Variants in ZNF136 observed in about 807,000 individuals in gnomAD.
The protein encoded by ZNF136 is zinc finger protein 136, also known as zinc finger protein 136 (clone pHZ-20).
In ZNF136, 8 loss-of-function variants were observed where a neutral mutation model predicts 11.4. The observed-to-expected ratio is 0.70, with a 90% confidence interval of 0.41 to 1.27. The LOEUF is 1.27. Among genes scored for constraint, ZNF136 ranks in the 50% most tolerant of loss-of-function variants. ZNF136 has a pLI of 0.01. For synonymous variants in ZNF136, 190 were observed against 207.1 expected, an observed-to-expected ratio of 0.92 and a Z score of 0.71; for missense variants, 590 against 656.5, an observed-to-expected ratio of 0.90 and a Z score of 1.11.
chr19:12,164,867 T>A (rs1977163868), intron 1 of ZNF136: 1 of 152,230 alleles, frequency 6.6e-6, no homozygotes, highest in Non-Finnish European at 1.5e-5. Context: ...AAACTGCTAT[T>A]GCCACAAGTA....
chr19:12,165,361 G>A (rs1343034956), intron 1 of ZNF136, among the ~76,000 whole-genome samples: 5 of 152,000 alleles, frequency 3.3e-5, no homozygotes, highest in Non-Finnish European at 5.9e-5. Context: ...CTTCTCCCTG[G>A]GATTCTTGCC....
intron 2 of ZNF136, 79 bp from the exon 3 acceptor site, chr19:12,186,035 A>G: frequency 1.9e-6 from 3 of 1,592,334 alleles, no homozygotes; most frequent in African/African-American, 1.4e-5. Flanking sequence ...GCATAGTCAC[A>G]GGGTATCATG....
At chr19:12,164,088 T>C (rs537580041) in intron 1 of ZNF136, among the ~76,000 whole-genome samples, 2 of 152,232 alleles carry the variant, frequency 1.3e-5, no homozygotes, top group East Asian at 3.9e-4. Flanking sequence ...TGAGTCTTCC[T>C]AGAGGACAGT....
At chr19:12,172,837 C>A (rs571388415) in intron 1 of ZNF136, among the ~76,000 whole-genome samples, 1 of 152,182 alleles carries the variant, frequency 6.6e-6, no homozygotes, top group African/African-American at 2.4e-5. Flanking sequence ...CATGGCGAAA[C>A]CCTGTCTCTA....
chr19:12,176,192 G>GGTCT lies in ZNF136; in HGVS notation c.4-9591_4-9588dup, dbSNP rs1914787581. On this transcript the variant is annotated intron_variant, in intron 1 of 3. Coordinates refer to ENST00000343979, the MANE Select transcript of ZNF136 (RefSeq NM_003437.5). ...AGCTCATTTGGATAAACCTACCTTTGGTCTGGAGGTTAAGAGACACCCCTG... is the reference window on the plus strand; with the variant it reads ...AGCTCATTTGGATAAACCTACCTTTGGTCTGTCTGGAGGTTAAGAGACACCCCTG... Among the ~76,000 whole-genome samples, 11 of 152,194 alleles carry GGTCT rather than the reference G, an allele frequency of 7.2e-5. 1 individual carries two copies. In the South Asian group the frequency reaches 2.3e-3, roughly 32 times the overall value.
intron 1 of ZNF136, chr19:12,164,721 C>T (rs1311413563): frequency 1.3e-5 from 2 of 152,180 alleles, no homozygotes; most frequent in Non-Finnish European, 2.9e-5. Context: ...GGATTACAGG[C>T]GTAACTGTAC....
At chr19:12,183,043 T>C (rs143147516) in intron 1 of ZNF136, among the ~76,000 whole-genome samples, 61 of 152,328 alleles carry the variant, frequency 4.0e-4, no homozygotes, top group African/African-American at 1.4e-3. Context: ...TCTACCCTTA[T>C]ATTTGTTAAA....
In ZNF136 at chr19:12,185,918, A is replaced by C. The variant is rs779754740; in HGVS notation, c.130+7A>C. The stretch of plus-strand genomic sequence containing the variant: ...AGGAATCTGGCCTCTATAGGTAAGG[A>C]TTGTATACTTCCATCACTTAGCAAT... On this transcript the variant is annotated splice_region_variant and intron_variant, in intron 2 of 3. Transcript: ENST00000343979. 4 of 1,612,964 alleles carry C rather than the reference A, an allele frequency of 2.5e-6. No homozygotes were observed. The Admixed American group carries it at 6.7e-5, about 27-fold the overall frequency.
intron 1 of ZNF136, among the ~76,000 whole-genome samples, chr19:12,177,543 T>C (rs1568400882): frequency 6.6e-6 from 1 of 152,156 alleles, no homozygotes; most frequent in African/African-American, 2.4e-5. Flanking sequence ...GAGATGGGGT[T>C]TCACTATGTT....
Position 12,187,114 on chromosome 19 carries a change from C to T in ZNF136, c.736C>T (p.His246Tyr), listed in dbSNP as rs770585492. ...ITSVRRHMIK[H>Y]TGDGPYKCKV... ...AAGTGTTCGAAGACACATGATAAAG[C>T]ACACTGGAGATGGACCTTATAAATG... The change falls in exon 4 of 4, where the codon CAC becomes TAC. Residue 246 changes from histidine (H) to tyrosine (Y), a missense_variant. Transcript: ENST00000343979. The T allele has an allele frequency of 6.2e-6, 10 of 1,614,128 alleles. No homozygotes were observed. In the Admixed American group the frequency reaches 1.7e-4, roughly 27 times the overall value.
chr19:12,168,057 C>CTTTTTTTTTTTTT lies in ZNF136; in HGVS notation c.3+4869_3+4881dup, dbSNP rs386388563. Among the ~76,000 whole-genome samples, 446 of 71,182 alleles carry CTTTTTTTTTTTTT rather than the reference C, an allele frequency of 6.3e-3. 38 individuals are homozygous for CTTTTTTTTTTTTT. Among genetic ancestry groups the CTTTTTTTTTTTTT allele is most frequent in the East Asian group, 0.017 (34 of 2,032 alleles). The allele number at this position is 71,182 out of a possible 152,430, so 46.7% of individuals were successfully genotyped here. On this transcript the variant is annotated intron_variant, in intron 1 of 3. Coordinates refer to ENST00000343979, the MANE Select transcript of ZNF136 (RefSeq NM_003437.5). ...GCCCATTTTTTTTTCTTTTCTTTTT[C>CTTTTTTTTTTTTT]TTTTTTTTTTTTTTTTTTTTTTTTT...
intron 1 of ZNF136, among the ~76,000 whole-genome samples, chr19:12,179,122 C>T (rs1914874877): frequency 6.6e-6 from 1 of 151,592 alleles, no homozygotes; most frequent in Admixed American, 6.6e-5. Context: ...GTTTTTATCA[C>T]AAGAATTATT....
chr19:12,180,642 CTT>C (rs1044474111), intron 1 of ZNF136, among the ~76,000 whole-genome samples: 11 of 152,068 alleles, frequency 7.2e-5, no homozygotes, highest in African/African-American at 2.4e-4. Context: ...ATTTCCACCT[CTT>C]ATACATCTTC....
At position 12,163,351 on chromosome 19, in the gene ZNF136, C is replaced by A. The variant is rs2145622988; in HGVS notation, c.3+145C>A. 2.7e-6 allele frequency: 3 copies of A among 1,121,346 alleles called. 1 individual carries two copies. Among genetic ancestry groups the A allele is most frequent in the Admixed American group, 7.7e-5 (2 of 26,044 alleles). The allele number at this position is 1,121,346 out of a possible 1,614,324, so 69.5% of individuals were successfully genotyped here. A position where few individuals can be genotyped will look rare whatever the true frequency, so the allele number is the denominator to read the frequency against. On this transcript the variant is annotated intron_variant, in intron 1 of 3. Coordinates refer to ENST00000343979, the MANE Select transcript of ZNF136 (RefSeq NM_003437.5). Reference sequence around the variant, plus strand: ...CTCTGGCGCAGCTCAGCCCTTGGTACCCTCGGCCTCAGGGTGGGGCTGGGC... The same window carrying A: ...CTCTGGCGCAGCTCAGCCCTTGGTAACCTCGGCCTCAGGGTGGGGCTGGGC...
chr19:12,178,115 A>G (rs747794562), intron 1 of ZNF136, among the ~76,000 whole-genome samples: 32 of 152,348 alleles, frequency 2.1e-4, no homozygotes, highest in Non-Finnish European at 4.0e-4. Flanking sequence ...TCAAAAATAA[A>G]TAAATAATAA....
In ZNF136 at chr19:12,165,317, G is replaced by A. The variant is rs527964879; in HGVS notation, c.3+2111G>A. Among the ~76,000 whole-genome samples, 4 of 152,314 alleles carry A rather than the reference G, an allele frequency of 2.6e-5. No homozygotes were observed. In the East Asian group the frequency reaches 5.8e-4, roughly 22 times the overall value. On this transcript the variant is annotated intron_variant, in intron 1 of 3. Transcript: ENST00000343979. ...TAAGATGACCTCTGCTGACACTGGA[G>A]TCAGACGAATGTCTGTATTCCAGGT...
intron 1 of ZNF136, 42 bp downstream of exon 1, chr19:12,163,248 G>A (rs753355833): frequency 2.2e-6 from 3 of 1,365,302 alleles, no homozygotes; most frequent in Admixed American, 3.0e-5. Flanking sequence ...GGGAGGAGGG[G>A]CTGGTTGGAC....
chr19:12,188,183 A>T lies in ZNF136; in HGVS notation c.*182A>T. 1 of 471,826 alleles carries T rather than the reference A, an allele frequency of 2.1e-6. No homozygotes were observed. Among genetic ancestry groups the T allele is most frequent in the Non-Finnish European group, 3.6e-6 (1 of 280,798 alleles). 29.2% of individuals were successfully genotyped at this position (471,826 alleles called of 1,614,324 possible). The stretch of plus-strand genomic sequence containing the variant: ...CTTTCAATCATTTTAGTTCCTTTCA[A>T]ATACATGAAAGAACTCATCATGGAG... On this transcript the variant is annotated 3_prime_UTR_variant, in exon 4 of 4. Coordinates refer to ENST00000343979, the MANE Select transcript of ZNF136 (RefSeq NM_003437.5).
chr19:12,180,579 T>C (rs1914914541), intron 1 of ZNF136, among the ~76,000 whole-genome samples: 4 of 152,212 alleles, frequency 2.6e-5, no homozygotes, highest in Admixed American at 2.6e-4. Context: ...ATATGTTCTC[T>C]GTGGAGGGTG....
Sources: gnomAD v4.1 joint callset for allele counts (sites outside exome capture counted in the v4.1 genomes callset) on GRCh38, gnomAD v4.1.1 for gene constraint, MANE v1.5 for transcripts, NCBI Gene and HGNC (gene_info 2026-07-23, HGNC 2026-07-21) for gene names.